The following RCE1 variants were observed in gnomAD, a reference collection of about 807,000 sequenced individuals.
RCE1 encodes the protein CAAX prenyl protease 2.
A neutral mutation model predicts 35.0 loss-of-function variants in RCE1; 15 were observed. The ratio of observed to expected loss-of-function variants is 0.43; its 90% CI spans 0.29 to 0.66. RCE1 has a LOEUF of 0.66. Ranked by LOEUF, RCE1 falls within the 30% of genes least tolerant of loss-of-function variation. The pLI is 0.17. For synonymous variants in RCE1, 261 were observed against 192.7 expected (o/e 1.35, Z -2.94); for missense variants, 434 against 433.0 (o/e 1.00, Z -0.02).
In RCE1 at chr11:66,844,981, A is replaced by T; in HGVS notation, c.564A>T (p.Ala188=). ...VFRACMLPML[A]PCMGLGPAVF... is the part of the protein sequence containing the mutation. ...GGGCCTGTATGCTGCCCATGTTAGC[A>T]CCGTGCATGGGCCTGGGCCCTGCTG... The change falls in exon 5 of 8, where the codon GCA becomes GCT. Residue 188 remains alanine (A), a synonymous_variant. Coordinates refer to ENST00000309657, the MANE Select transcript of RCE1 (RefSeq NM_005133.3). The T allele has an allele frequency of 6.2e-7, 1 of 1,606,300 alleles. No homozygotes were observed. The highest frequency in any genetic ancestry group is 8.5e-7 in the Non-Finnish European group (1 of 1,175,882).
chr11:66,844,330 T>G lies in RCE1; in HGVS notation c.417T>G (p.Pro139=). 1 of 1,614,136 alleles carries G rather than the reference T, an allele frequency of 6.2e-7. No individual in the cohort carries two copies. Among genetic ancestry groups the G allele is most frequent in the South Asian group, 1.1e-5 (1 of 91,082 alleles). The part of the protein sequence containing the change: ...GPLMQLSMDC[P]CDLADGLKVV... ...TGATGCAGCTCTCTATGGATTGCCC[T>G]TGTGACCTGGCAGATGGGCTGAAGG... is the stretch of plus-strand genomic sequence containing the variant. The change falls in exon 4 of 8, where the codon CCT becomes CCG. Residue 139 remains proline (P), a synonymous_variant. Coordinates refer to ENST00000309657, the MANE Select transcript of RCE1 (RefSeq NM_005133.3).
intron 1 of RCE1, 37 bp downstream of exon 1, chr11:66,843,677 C>T (rs750330069): frequency 3.7e-6 from 6 of 1,601,514 alleles, no homozygotes; most frequent in East Asian, 2.2e-5. Context: ...CCGCGCCCTG[C>T]GGGCGGAGCT....
chr11:66,845,613 G>A (rs768376822), intron 7 of RCE1, 51 bp downstream of exon 7: 1 of 1,612,148 alleles, frequency 6.2e-7, no homozygotes, highest in Non-Finnish European at 8.5e-7. Context: ...GAGCGGGTGG[G>A]AGAATGGGAA....
chr11:66,843,841 A>G lies in RCE1; in HGVS notation c.268A>G (p.Arg90Gly). The change falls in exon 2 of 8, where the codon AGG (arginine) becomes GGG (glycine). Residue 90 changes from arginine (R) to glycine (G), a missense_variant. Arg to Gly is a moderately radical substitution (Grantham distance 125). Coordinates refer to ENST00000309657, the MANE Select transcript of RCE1 (RefSeq NM_005133.3). ...SLSPLCVLLW[R>G]ELTGIQPGTS... is the part of the protein sequence containing the mutation. Reference sequence around the variant, plus strand: ...CTCACCCCTGTGCGTGCTGCTCTGGAGGGAACTCACAGGCATCCAGGTGCG... The same window carrying G: ...CTCACCCCTGTGCGTGCTGCTCTGGGGGGAACTCACAGGCATCCAGGTGCG... 1.9e-6 allele frequency: 3 copies of G among 1,613,982 alleles called. No individual in the cohort carries two copies. Among genetic ancestry groups the G allele is most frequent in the Non-Finnish European group, 1.7e-6 (2 of 1,179,996 alleles).
At position 66,843,946 on chromosome 11, in the gene RCE1, T is replaced by C; in HGVS notation, c.289-10T>C. Reference sequence around the variant, plus strand: ...GAAGCAAAACTGATGCCCCCTTTCCTGTGGCTCAGCCAGGCACATCCCTGC... The same window carrying C: ...GAAGCAAAACTGATGCCCCCTTTCCCGTGGCTCAGCCAGGCACATCCCTGC... On this transcript the variant is annotated splice_polypyrimidine_tract_variant and intron_variant, in intron 2 of 7. Coordinates refer to ENST00000309657, the MANE Select transcript of RCE1 (RefSeq NM_005133.3). 1 of 1,614,126 alleles carries C rather than the reference T, an allele frequency of 6.2e-7. No individual in the cohort carries two copies. The highest frequency in any genetic ancestry group is 1.1e-5 in the South Asian group (1 of 91,086).
At position 66,843,658 on chromosome 11, in the gene RCE1, G is replaced by C; in HGVS notation, c.185+18G>C. 1.2e-6 allele frequency: 2 copies of C among 1,603,080 alleles called. No individual in the cohort carries two copies. Among genetic ancestry groups the C allele is most frequent in the Non-Finnish European group, 1.7e-6 (2 of 1,176,434 alleles). On this transcript the variant is annotated intron_variant, in intron 1 of 7. Transcript: ENST00000309657. Reference sequence around the variant, plus strand: ...CTGCCCAGGTGCGGGGGCTGCGCGCGACCGGAATCCGCGCCCTGCGGGCGG... The same window carrying C: ...CTGCCCAGGTGCGGGGGCTGCGCGCCACCGGAATCCGCGCCCTGCGGGCGG...
At chr11:66,844,715 G>A in intron 4 of RCE1, 154 bp from the exon 5 acceptor site, 1 of 1,151,028 alleles carries the variant, frequency 8.7e-7, no homozygotes, top group Non-Finnish European at 1.2e-6. Flanking sequence ...AAGACATTGG[G>A]TTTATGTTGG....
In RCE1 at chr11:66,846,323, A is replaced by C. The variant is rs1377166245; in HGVS notation, c.*228A>C. ...ACGAGCAGCTGTGAGTGAGGGGACA[A>C]GGGGCAGGTCCCAGGAGCCACACAC... is the stretch of plus-strand genomic sequence containing the variant. On this transcript the variant is annotated 3_prime_UTR_variant, in exon 8 of 8. Transcript: ENST00000309657. 3.8e-6 allele frequency: 2 copies of C among 520,446 alleles called. No homozygotes were observed. Among genetic ancestry groups the C allele is most frequent in the Non-Finnish European group, 6.6e-6 (2 of 303,998 alleles). The allele number at this position is 520,446 out of a possible 1,614,324, so 32.2% of individuals were successfully genotyped here.
At position 66,845,439 on chromosome 11, in the gene RCE1, A is replaced by G. The variant is rs554338639; in HGVS notation, c.692-61A>G. 24 of 1,611,358 alleles carry G rather than the reference A, an allele frequency of 1.5e-5. No individual in the cohort carries two copies. In the African/African-American group the frequency reaches 2.8e-4, roughly 19 times the overall value. On this transcript the variant is annotated intron_variant, in intron 6 of 7. Coordinates refer to ENST00000309657, the MANE Select transcript of RCE1 (RefSeq NM_005133.3). ...GATGGTCGGTCTTTGGCTGATGGGT[A>G]TGTAGTGTGGGGGCAGGAAGGGCGT...
At position 66,845,864 on chromosome 11, in the gene RCE1, C is replaced by T; in HGVS notation, c.759C>T (p.His253=). 6.2e-7 allele frequency: 1 copy of T among 1,612,854 alleles called. No individual in the cohort carries two copies. Among genetic ancestry groups the T allele is most frequent in the Non-Finnish European group, 8.5e-7 (1 of 1,179,748 alleles). The part of the protein sequence containing the change: ...YTAFLFIRTG[H]LIGPVLCHSF... ...GCTGCTGTCTCTTTTCCCCAGGACA[C>T]CTGATTGGGCCGGTTCTCTGCCATT... The change falls in exon 8 of 8, where the codon CAC becomes CAT. Residue 253 remains histidine (H), a synonymous_variant. Coordinates refer to ENST00000309657, the MANE Select transcript of RCE1 (RefSeq NM_005133.3).
At position 66,845,642 on chromosome 11, in the gene RCE1, C is replaced by CAA. The variant is rs572515076; in HGVS notation, c.754+83_754+84dup. On this transcript the variant is annotated intron_variant, in intron 7 of 7. Transcript: ENST00000309657. ...ATGGGAATACTGTTTGTTCTAGGAA[C>CAA]AAAAGTTCTTCTACTCCAGTCCTTG... 3.7e-4 allele frequency: 585 copies of CAA among 1,601,910 alleles called. 16 individuals carry two copies. The South Asian group carries it at 6.2e-3, about 17-fold the overall frequency.
chr11:66,845,774 T>G lies in RCE1; in HGVS notation c.755-86T>G. 3 of 1,531,318 alleles carry G rather than the reference T, an allele frequency of 2.0e-6. No individual in the cohort carries two copies. The Admixed American group carries it at 5.5e-5, about 28-fold the overall frequency. The allele number at this position is 1,531,318 out of a possible 1,614,324, so 94.9% of individuals were successfully genotyped here. On this transcript the variant is annotated intron_variant, in intron 7 of 7. Coordinates refer to ENST00000309657, the MANE Select transcript of RCE1 (RefSeq NM_005133.3). ...CTGGGGTAGTGGGATCTTGATCTCC[T>G]GTTTCAGGGGATGAGGGTCACTAGC...
chr11:66,845,928 G>A lies in RCE1; in HGVS notation c.823G>A (p.Ala275Thr), dbSNP rs1172756027. ...CATGGGTTTCCCAGCTGTTTGCGCG[G>A]CCTTGGAGCACCCACAGAGGCGGCC... is the stretch of plus-strand genomic sequence containing the variant. ...NYMGFPAVCA[A>T]LEHPQRRPLL... The change falls in exon 8 of 8, where the codon GCC (alanine) becomes ACC (threonine). Residue 275 changes from alanine (A) to threonine (T), a missense_variant. Ala to Thr is a moderately conservative substitution (Grantham distance 58, BLOSUM62 0). Coordinates refer to ENST00000309657, the MANE Select transcript of RCE1 (RefSeq NM_005133.3). The A allele has an allele frequency of 6.2e-7, 1 of 1,613,678 alleles. No homozygotes were observed. Among genetic ancestry groups the A allele is most frequent in the Non-Finnish European group, 8.5e-7 (1 of 1,180,042 alleles).
chr11:66,845,781 G>T, intron 7 of RCE1, 79 bp from the exon 8 acceptor site: 1 of 1,541,944 alleles, frequency 6.5e-7, no homozygotes, highest in Non-Finnish European at 8.8e-7. Context: ...TCCTGTTTCA[G>T]GGGATGAGGG....
In RCE1 at chr11:66,846,290, G is replaced by A. The variant is rs1413363787; in HGVS notation, c.*195G>A. ...CAAAGGGTGCAGCCCCTTTTGAAAG[G>A]GGTGTTTACGAGCAGCTGTGAGTGA... is the stretch of plus-strand genomic sequence containing the variant. On this transcript the variant is annotated 3_prime_UTR_variant, in exon 8 of 8. Transcript: ENST00000309657. 4 of 667,318 alleles carry A rather than the reference G, an allele frequency of 6.0e-6. No individual in the cohort carries two copies. The highest frequency in any genetic ancestry group is 9.5e-6 in the Non-Finnish European group (4 of 419,854). The allele number at this position is 667,318 out of a possible 1,614,324, so 41.3% of individuals were successfully genotyped here.
At chr11:66,845,747 G>A (rs1195863696) in intron 7 of RCE1, 113 bp from the exon 8 acceptor site, 1 of 1,476,970 alleles carries the variant, frequency 6.8e-7, no homozygotes, top group East Asian at 2.3e-5. Flanking sequence ...GTGGGTGGAT[G>A]GCTGGGGTAG....
rs1238728179 is a variant in RCE1, at chr11:66,845,212, C to T, written c.666C>T (p.Ser222=). Reference sequence around the variant, plus strand: ...AGCAGCTGCGTTTCCGCCAGAGCAGCGTGGGGAACATCTTCTTGTCTGCTG... The same window carrying T: ...AGCAGCTGCGTTTCCGCCAGAGCAGTGTGGGGAACATCTTCTTGTCTGCTG... ...IIEQLRFRQS[S]VGNIFLSAAF... Residue 222 remains serine, a synonymous_variant, in exon 6 of 8, where the codon AGC becomes AGT. Transcript: ENST00000309657. The T allele has an allele frequency of 3.1e-6, 5 of 1,614,092 alleles. No individual in the cohort carries two copies. Among genetic ancestry groups the T allele is most frequent in the Admixed American group, 3.3e-5 (2 of 60,014 alleles).
rs1369378902 is a variant in RCE1, at chr11:66,843,596, C to T, written c.141C>T (p.Cys47=). ...VSVFSCLSLA[C]SYVGSLYVWK... ...TGTTCTCCTGCCTCAGCCTCGCCTG[C>T]TCCTACGTGGGCAGCCTCTACGTCT... Residue 47 remains cysteine, a synonymous_variant, in exon 1 of 8, where the codon TGC becomes TGT. Coordinates refer to ENST00000309657, the MANE Select transcript of RCE1 (RefSeq NM_005133.3). 6.3e-7 allele frequency: 1 copy of T among 1,592,772 alleles called. No individual in the cohort carries two copies. The highest frequency in any genetic ancestry group is 1.3e-5 in the African/African-American group (1 of 74,922).
chr11:66,846,233 G>A lies in RCE1; in HGVS notation c.*138G>A, dbSNP rs528289970. ...GGGGATTGAAGCCAGAGCTAGTTGC[G>A]TCCCAGGGACCAAGAGAAAGAAGCA... On this transcript the variant is annotated 3_prime_UTR_variant, in exon 8 of 8. Coordinates refer to ENST00000309657, the MANE Select transcript of RCE1 (RefSeq NM_005133.3). 231 of 1,107,918 alleles carry A rather than the reference G, an allele frequency of 2.1e-4. 1 individual carries two copies. The African/African-American group carries it at 2.3e-3, about 11-fold the overall frequency. The allele number at this position is 1,107,918 out of a possible 1,614,324, so 68.6% of individuals were successfully genotyped here. A position where few individuals can be genotyped will look rare whatever the true frequency, so the allele number is the denominator to read the frequency against.
Sources: allele counts gnomAD v4.1 joint callset, GRCh38; gene constraint gnomAD v4.1.1; transcripts MANE v1.5; gene names NCBI Gene and HGNC (gene_info 2026-07-23, HGNC 2026-07-21).